Variants in EYS observed in about 807,000 individuals in gnomAD.
EYS encodes EGF-like photoreceptor maintenance factor.
Under a neutral mutation model 282.1 loss-of-function variants are expected in EYS, and 250 were observed. That is an observed-to-expected ratio of 0.89 (90% confidence interval 0.80 to 0.98). EYS has a LOEUF of 0.98. EYS is among the 50% of genes least tolerant of loss of function. The probability of loss-of-function intolerance (pLI) is 0.00; values close to 1 mark genes in which losing one functional copy is unlikely to be tolerated. For missense variants in EYS, 4,016 were observed against 3,709.0 expected, an observed-to-expected ratio of 1.08 and a Z score of -2.15; for synonymous variants, 1,355 against 1,282.9, an observed-to-expected ratio of 1.06 and a Z score of -1.20.
intron 2 of EYS, among the ~76,000 whole-genome samples, chr6:65,518,828 C>G (rs1767237065): frequency 6.6e-6 from 1 of 152,032 alleles, no homozygotes; most frequent in African/African-American, 2.4e-5. Context: ...TTGCAGTCCC[C>G]TTTACACAAC....
Position 64,617,063 on chromosome 6 carries a change from T to C in EYS, c.3684+355A>G, listed in dbSNP as rs547460755. 9.9e-5 allele frequency among the ~76,000 whole-genome samples: 15 copies of C among 152,266 alleles called. No individual in the cohort carries two copies. In the South Asian group the frequency reaches 1.7e-3, roughly 17 times the overall value. ...AACCCTGGAAGTAGTACTATGTCCT[T>C]GGGCAAAATAAAAGTTCCGCCAAGA... On this transcript the variant is annotated intron_variant, in intron 24 of 42. Coordinates refer to ENST00000503581, the MANE Select transcript of EYS (RefSeq NM_001142800.2).
At chr6:65,580,164 C>T (rs1010573225) in intron 2 of EYS, among the ~76,000 whole-genome samples, 3 of 151,980 alleles carry the variant, frequency 2.0e-5, no homozygotes, top group African/African-American at 4.8e-5. Context: ...GAAGGAACAG[C>T]CCATTAAAAT....
intron 28 of EYS, among the ~76,000 whole-genome samples, chr6:64,392,843 G>C (rs1259087480): frequency 6.6e-6 from 1 of 151,790 alleles, no homozygotes; most frequent in Non-Finnish European, 1.5e-5. Context: ...CCAGGAGCTG[G>C]ATTTTTGAAA....
At chr6:65,129,426 G>A (rs1028323111) in intron 12 of EYS, among the ~76,000 whole-genome samples, 1 of 151,270 alleles carries the variant, frequency 6.6e-6, no homozygotes, top group Non-Finnish European at 1.5e-5. Context: ...TGCATTTAAT[G>A]AAGGTCCAGA....
intron 33 of EYS, among the ~76,000 whole-genome samples, chr6:64,050,587 T>C (rs2149843837): frequency 6.6e-6 from 1 of 152,292 alleles, no homozygotes; most frequent in Admixed American, 6.5e-5. Flanking sequence ...TTTCTTTCTT[T>C]CCTAGTACTG....
chr6:64,578,346 C>G (rs1765948396), intron 26 of EYS, among the ~76,000 whole-genome samples: 2 of 152,088 alleles, frequency 1.3e-5, no homozygotes, highest in East Asian at 1.9e-4. Context: ...ACTGTCGCCC[C>G]TGATGATCCC....
chr6:63,745,739 T>C (rs2149645214), intron 41 of EYS, among the ~76,000 whole-genome samples: 1 of 152,342 alleles, frequency 6.6e-6, no homozygotes, highest in Non-Finnish European at 1.5e-5. Flanking sequence ...AAATGTATAT[T>C]ATGGACTAAA....
chr6:64,108,619 G>A (rs982913042), intron 31 of EYS, among the ~76,000 whole-genome samples: 15 of 148,284 alleles, frequency 1.0e-4, no homozygotes, highest in African/African-American at 3.8e-4. Flanking sequence ...GACTAATTCT[G>A]CTGCTTATTA....
intron 33 of EYS, among the ~76,000 whole-genome samples, chr6:64,043,407 T>A (rs1384133364): frequency 6.6e-6 from 1 of 152,240 alleles, no homozygotes; most frequent in African/African-American, 2.4e-5. Flanking sequence ...ACATCTAGAT[T>A]GCATGCGTGT....
At chr6:65,119,848 C>T (rs867545893) in intron 12 of EYS, among the ~76,000 whole-genome samples, 1 of 151,586 alleles carries the variant, frequency 6.6e-6, no homozygotes, top group South Asian at 2.1e-4. Flanking sequence ...GGTGACAGAA[C>T]AAGACCCTGG....
rs1269091116 is a variant in EYS, at chr6:64,166,449, AT to A, written c.6424+64142del. On this transcript the variant is annotated intron_variant, in intron 31 of 42. Transcript: ENST00000503581. Reference sequence around the variant, plus strand: ...TAATCAAATACAGCTCATAAATTACATTTACAATCTTTAGACTTCAATCAAT... The same window carrying A: ...TAATCAAATACAGCTCATAAATTACATTACAATCTTTAGACTTCAATCAAT... Among the ~76,000 whole-genome samples, 5 of 152,316 alleles carry A rather than the reference AT, an allele frequency of 3.3e-5. No homozygotes were observed. In the East Asian group the frequency reaches 9.6e-4, roughly 29 times the overall value.
chr6:65,296,041 T>A lies in EYS; in HGVS notation c.1845A>T (p.Ser615=), dbSNP rs1441340197. 3.9e-6 allele frequency: 6 copies of A among 1,550,886 alleles called. No homozygotes were observed. In the Admixed American group the frequency reaches 1.2e-4, roughly 30 times the overall value. The change falls in exon 12 of 43, where the codon TCA becomes TCT. Residue 615 remains serine, a synonymous_variant. Coordinates refer to ENST00000503581, the MANE Select transcript of EYS (RefSeq NM_001142800.2). ...AAAGGGCCAGGCAGAGGCCATGCAC[T>A]GATATACTGTGGTTCCCTAAGCAAT... The part of the protein sequence containing the change: ...VDYCLGNHSI[S]VHGLCLALSH...
At chr6:63,871,907 C>T (rs1772815593) in intron 35 of EYS, among the ~76,000 whole-genome samples, 1 of 152,112 alleles carries the variant, frequency 6.6e-6, no homozygotes, top group Non-Finnish European at 1.5e-5. Flanking sequence ...CAGTGCTGCT[C>T]ACCCCCAGCA....
intron 12 of EYS, among the ~76,000 whole-genome samples, chr6:65,275,645 C>A (rs1165785912): frequency 6.6e-6 from 1 of 152,130 alleles, no homozygotes. Flanking sequence ...TATATGGATT[C>A]ATGGGCTGTT....
intron 32 of EYS, among the ~76,000 whole-genome samples, chr6:64,078,694 A>G (rs1771854745): frequency 6.6e-6 from 1 of 152,022 alleles, no homozygotes; most frequent in African/African-American, 2.4e-5. Flanking sequence ...GAAATGGATA[A>G]TCGTTACAGT....
intron 12 of EYS, among the ~76,000 whole-genome samples, chr6:65,282,928 A>C (rs1392509719): frequency 6.6e-6 from 1 of 151,952 alleles, no homozygotes; most frequent in East Asian, 1.9e-4. Flanking sequence ...AGTTTCATGT[A>C]ATTTAGCATA....
chr6:65,353,798 T>C (rs914628824), intron 8 of EYS, among the ~76,000 whole-genome samples, 181 bp from the exon 9 acceptor site: 6 of 152,154 alleles, frequency 3.9e-5, no homozygotes, highest in Non-Finnish European at 8.8e-5. Flanking sequence ...GTACTATCTT[T>C]TGTCATATCC....
chr6:65,022,526 T>C (rs1772279860), intron 13 of EYS, among the ~76,000 whole-genome samples: 1 of 152,070 alleles, frequency 6.6e-6, no homozygotes. Flanking sequence ...TTATTGACAG[T>C]GGATCAACCC....
At chr6:65,250,269 C>A (rs1271054521) in intron 12 of EYS, among the ~76,000 whole-genome samples, 1 of 151,924 alleles carries the variant, frequency 6.6e-6, no homozygotes, top group Non-Finnish European at 1.5e-5. Flanking sequence ...GAAAATCCAG[C>A]AAAGTTTAAA....
Sources: allele counts gnomAD v4.1 joint callset (sites outside exome capture counted in the v4.1 genomes callset), GRCh38; gene constraint gnomAD v4.1.1; transcripts MANE v1.5; gene names NCBI Gene and HGNC (gene_info 2026-07-23, HGNC 2026-07-21).